PDE1A: variants seen among roughly 807,000 people sequenced by gnomAD.
The protein encoded by PDE1A is dual specificity calcium/calmodulin-dependent 3',5'-cyclic nucleotide phosphodiesterase 1A.
PDE1A carries 35 observed loss-of-function variants against 61.7 expected under a neutral mutation model. The ratio of observed to expected loss-of-function variants is 0.57; its 90% confidence interval spans 0.43 to 0.75. The LOEUF is 0.75. PDE1A is among the 30% of genes least tolerant of loss of function. PDE1A has a pLI of 0.00. For synonymous variants in PDE1A, 232 were observed against 213.2 expected (o/e 1.09, Z -0.77); for missense variants, 597 against 630.6 (o/e 0.95, Z 0.57).
chr2:182,591,215 G>A, the PDE1A span, among the ~76,000 whole-genome samples: 2 of 152,058 alleles, frequency 1.3e-5, no homozygotes, highest in Non-Finnish European at 2.9e-5. Context: ...AGGGCCATAG[G>A]TCTTCATTCT....
the PDE1A span, among the ~76,000 whole-genome samples, chr2:182,588,036 TATGTGAAGTTTGGA>T: frequency 1.2e-4 from 18 of 152,318 alleles, no homozygotes; most frequent in East Asian, 5.8e-4. Context: ...GTGGTTTTGA[TATGTGAAGTTTGGA>T]ATGTGAAGTT....
At chr2:182,704,501 G>A in the PDE1A span, among the ~76,000 whole-genome samples, 24 of 152,134 alleles carry the variant, frequency 1.6e-4, no homozygotes, top group Admixed American at 1.3e-3. Context: ...GGGAGAGGAA[G>A]GTCAAAGTAA....
chr2:182,282,281 T>C (rs1222655637), intron 1 of PDE1A, among the ~76,000 whole-genome samples: 4 of 152,002 alleles, frequency 2.6e-5, no homozygotes, highest in African/African-American at 7.2e-5. Context: ...CAAGAAGAGA[T>C]GATCATTGTC....
At chr2:182,699,073 G>A in the PDE1A span, among the ~76,000 whole-genome samples, 1 of 152,168 alleles carries the variant, frequency 6.6e-6, no homozygotes, top group Non-Finnish European at 1.5e-5. Flanking sequence ...CCCTTTATCA[G>A]TAAAAATAAA....
intron 13 of PDE1A, among the ~76,000 whole-genome samples, chr2:182,156,001 G>A (rs1691061605): frequency 6.6e-6 from 1 of 152,118 alleles, no homozygotes; most frequent in South Asian, 2.1e-4. Context: ...AGTCTCATGA[G>A]ATCCAATGGT....
chr2:182,551,817 C>A, the PDE1A span, among the ~76,000 whole-genome samples: 1 of 152,094 alleles, frequency 6.6e-6, no homozygotes, highest in Non-Finnish European at 1.5e-5. Context: ...TCACTCTTGA[C>A]CCCTGCTAAA....
chr2:182,627,291 A>G, the PDE1A span, among the ~76,000 whole-genome samples: 7 of 98,154 alleles, frequency 7.1e-5, no homozygotes, highest in South Asian at 2.9e-4. Flanking sequence ...AAATATAAAT[A>G]TATATTATAT....
intron 2 of PDE1A, among the ~76,000 whole-genome samples, chr2:182,518,000 T>C (rs1690317779): frequency 6.6e-6 from 1 of 152,118 alleles, no homozygotes; most frequent in African/African-American, 2.4e-5. Flanking sequence ...TTCTTTTGGG[T>C]GACCCTAGGT....
chr2:182,564,967 A>G, the PDE1A span, among the ~76,000 whole-genome samples: 3 of 152,064 alleles, frequency 2.0e-5, no homozygotes, highest in South Asian at 2.1e-4. Flanking sequence ...AATTTTTTTC[A>G]AAGTTTTCAA....
chr2:182,382,166 G>A (rs16823156), intron 1 of PDE1A, among the ~76,000 whole-genome samples: 1,944 of 152,198 alleles, frequency 0.013, 18 homozygotes, highest in Middle Eastern at 0.024. Context: ...TATGTTATAT[G>A]GTAAAGCTAG....
At chr2:182,221,587 G>C (rs1688731927) in intron 7 of PDE1A, among the ~76,000 whole-genome samples, 1 of 151,952 alleles carries the variant, frequency 6.6e-6, no homozygotes, top group African/African-American at 2.4e-5. Flanking sequence ...CAATCTCTGG[G>C]ACCCTGGGGT....
chr2:182,578,011 G>C, the PDE1A span, among the ~76,000 whole-genome samples: 2 of 147,702 alleles, frequency 1.4e-5, no homozygotes, highest in Non-Finnish European at 3.0e-5. Flanking sequence ...GGAGGGAGGG[G>C]AAAGAGCAAG....
At chr2:182,583,414 G>A in the PDE1A span, among the ~76,000 whole-genome samples, 1 of 152,156 alleles carries the variant, frequency 6.6e-6, no homozygotes, top group African/African-American at 2.4e-5. Flanking sequence ...GCAGACGTAA[G>A]AGCAAAATGC....
rs559229563 is a variant in PDE1A at position 182,460,984 on chromosome 2, C to T, written c.101+61292G>A. On this transcript the variant is annotated intron_variant, in intron 2 of 14. Coordinates refer to the PDE1A transcript ENST00000410103. Reference sequence around the variant, plus strand: ...GCTAAGAGGGAAGAGAATTCATGGTCAAATGAACTAAGGAAAAATAAATAA... The same window carrying T: ...GCTAAGAGGGAAGAGAATTCATGGTTAAATGAACTAAGGAAAAATAAATAA... 5.3e-5 allele frequency among the ~76,000 whole-genome samples: 8 copies of T among 152,190 alleles called. No individual in the cohort carries two copies. The East Asian group carries it at 1.4e-3, about 26-fold the overall frequency.
intron 1 of PDE1A, among the ~76,000 whole-genome samples, chr2:182,334,217 C>A (rs1273295004): frequency 1.3e-5 from 2 of 151,822 alleles, no homozygotes; most frequent in Admixed American, 1.3e-4. Context: ...GGACTTCTCC[C>A]TAACTCATTT....
At chr2:182,678,550 C>CA in the PDE1A span, among the ~76,000 whole-genome samples, 9 of 151,748 alleles carry the variant, frequency 5.9e-5, no homozygotes, top group Non-Finnish European at 1.2e-4. Context: ...CTGCATGTGC[C>CA]AAAAAAATTA....
At chr2:182,342,509 T>C (rs368938685) in intron 1 of PDE1A, among the ~76,000 whole-genome samples, 98 of 152,094 alleles carry the variant, frequency 6.4e-4, no homozygotes, top group East Asian at 2.5e-3. Flanking sequence ...CGGTGAAACC[T>C]CATCTCTACT....
chr2:182,523,932 T>C (rs1417106849), upstream of PDE1A, among the ~76,000 whole-genome samples: 2 of 152,216 alleles, frequency 1.3e-5, no homozygotes, highest in South Asian at 2.1e-4. Flanking sequence ...CAAAATGTTA[T>C]AGAAAATGGC....
chr2:182,679,463 A>G, the PDE1A span, among the ~76,000 whole-genome samples: 1 of 151,326 alleles, frequency 6.6e-6, no homozygotes, highest in Non-Finnish European at 1.5e-5. Context: ...AGCCTCCCAA[A>G]GTGCTGAGAT....
Sources: gnomAD v4.1 joint callset for allele counts (sites outside exome capture counted in the v4.1 genomes callset) on GRCh38, gnomAD v4.1.1 for gene constraint, MANE v1.5 for transcripts, NCBI Gene and HGNC (gene_info 2026-07-23, HGNC 2026-07-21) for gene names.